SLC44A5: variants seen among roughly 807,000 people sequenced by gnomAD.
SLC44A5 encodes choline transporter-like protein 5.
A neutral mutation model predicts 101.8 loss-of-function variants in SLC44A5; 57 were observed. The ratio of observed to expected loss-of-function variants is 0.56; its 90% CI spans 0.45 to 0.70. SLC44A5 has a LOEUF of 0.70. Ranked by LOEUF, SLC44A5 falls within the 30% of genes least tolerant of loss-of-function variation. SLC44A5 has a pLI of 0.00. For synonymous variants in SLC44A5, 281 were observed against 290.9 expected (o/e 0.97, Z 0.35); for missense variants, 737 against 853.1 (o/e 0.86, Z 1.70).
chr1:75,388,051 G>A (rs1336301358), intron 3 of SLC44A5, among the ~76,000 whole-genome samples: 4 of 128,014 alleles, frequency 3.1e-5, no homozygotes, highest in African/African-American at 1.2e-4. Context: ...TCACACTCTG[G>A]TGACTGTTGT....
Position 75,488,800 on chromosome 1 carries a change from G to T in SLC44A5, c.13+52635C>A, listed in dbSNP as rs115946786. On this transcript the variant is annotated intron_variant, in intron 2 of 23. Coordinates refer to ENST00000370859, the MANE Select transcript of SLC44A5 (RefSeq NM_001130058.2). ...TATATGTTCTGTGGTGAAATAACCT[G>T]ATGACATATATACAACTTGCTAAAA... Among the ~76,000 whole-genome samples, 884 of 152,290 alleles carry T rather than the reference G, an allele frequency of 5.8e-3. 4 individuals carry two copies. Among genetic ancestry groups the T allele is most frequent in the African/African-American group, 0.02 (847 of 41,556 alleles).
chr1:75,660,794 T>C, the SLC44A5 span, among the ~76,000 whole-genome samples: 1 of 152,054 alleles, frequency 6.6e-6, no homozygotes. Flanking sequence ...TATAAAACAC[T>C]GATGAAAGAG....
At chr1:75,647,220 G>T in the SLC44A5 span, among the ~76,000 whole-genome samples, 1 of 152,208 alleles carries the variant, frequency 6.6e-6, no homozygotes. Context: ...GCTTCAGAAC[G>T]TTCAAGCCCC....
chr1:75,316,037 G>C (rs1040734010), intron 4 of SLC44A5, among the ~76,000 whole-genome samples: 1 of 152,006 alleles, frequency 6.6e-6, no homozygotes, highest in Non-Finnish European at 1.5e-5. Flanking sequence ...TGCCCTTTTT[G>C]GCCCCTAATC....
intron 2 of SLC44A5, among the ~76,000 whole-genome samples, chr1:75,461,041 G>A (rs1279644387): frequency 6.6e-6 from 1 of 151,652 alleles, no homozygotes; most frequent in African/African-American, 2.4e-5. Flanking sequence ...AAAAATGGAA[G>A]CAACCCAATG....
chr1:75,605,628 T>C (rs943897955), intron 1 of SLC44A5, among the ~76,000 whole-genome samples: 1 of 152,088 alleles, frequency 6.6e-6, no homozygotes, highest in Non-Finnish European at 1.5e-5. Flanking sequence ...ACCATGACTT[T>C]AATGTTCCTC....
At chr1:75,290,156 A>G (rs1163595762) in intron 5 of SLC44A5, among the ~76,000 whole-genome samples, 1 of 152,208 alleles carries the variant, frequency 6.6e-6, no homozygotes, top group Non-Finnish European at 1.5e-5. Context: ...CAACAAATTT[A>G]TCAGCATAGA....
chr1:75,682,858 T>C, the SLC44A5 span, among the ~76,000 whole-genome samples: 1 of 152,194 alleles, frequency 6.6e-6, no homozygotes, highest in Non-Finnish European at 1.5e-5. Context: ...CCTACTCATC[T>C]GTCAAAGGGC....
chr1:75,502,351 G>T (rs1056809694), intron 2 of SLC44A5, among the ~76,000 whole-genome samples: 2 of 152,118 alleles, frequency 1.3e-5, no homozygotes, highest in Admixed American at 6.5e-5. Context: ...ACTGATCAAA[G>T]GACAGAAAAA....
intron 4 of SLC44A5, among the ~76,000 whole-genome samples, chr1:75,315,110 G>T (rs997317227): frequency 6.6e-6 from 1 of 152,054 alleles, no homozygotes; most frequent in Admixed American, 6.6e-5. Context: ...GATTATTTAT[G>T]CAGTATTTGT....
intron 3 of SLC44A5, among the ~76,000 whole-genome samples, chr1:75,386,032 T>A (rs533351632): frequency 6.6e-6 from 1 of 152,222 alleles, no homozygotes; most frequent in Non-Finnish European, 1.5e-5. Context: ...AAACTCTCAA[T>A]AAATTAGGCA....
At chr1:75,262,618 T>C (rs1259278178) in intron 6 of SLC44A5, among the ~76,000 whole-genome samples, 1 of 152,170 alleles carries the variant, frequency 6.6e-6, no homozygotes, top group African/African-American at 2.4e-5. Context: ...CTTCATAGAA[T>C]TGGAAAAAAC....
intron 13 of SLC44A5, among the ~76,000 whole-genome samples, chr1:75,226,825 T>G (rs1647207286): frequency 6.6e-6 from 1 of 152,160 alleles, no homozygotes; most frequent in Non-Finnish European, 1.5e-5. Context: ...ATTCTAGGAA[T>G]ATAAGATTAA....
At chr1:75,256,039 G>A (rs1056516190) in intron 6 of SLC44A5, among the ~76,000 whole-genome samples, 1 of 151,920 alleles carries the variant, frequency 6.6e-6, no homozygotes, top group African/African-American at 2.4e-5. Flanking sequence ...AAAACAGGTG[G>A]GTCAACAGAA....
chr1:75,251,426 C>CCT (rs1348909337), intron 6 of SLC44A5, 132 bp from the exon 7 acceptor site: 24 of 647,234 alleles, frequency 3.7e-5, no homozygotes, highest in East Asian at 2.3e-4. Context: ...ATATATTCTC[C>CCT]CTCTCCCTTA....
chr1:75,308,288 T>A (rs10493569), intron 4 of SLC44A5, among the ~76,000 whole-genome samples: 26,243 of 152,206 alleles, frequency 0.17, 2,436 homozygotes, highest in Middle Eastern at 0.31. Context: ...TTCTGATTAG[T>A]CTTCTATTCT....
chr1:75,407,700 G>A (rs116774931), intron 2 of SLC44A5, among the ~76,000 whole-genome samples: 2,043 of 152,050 alleles, frequency 0.013, 45 homozygotes, highest in African/African-American at 0.047. Flanking sequence ...TACCTTATAC[G>A]AAAATTAACT....
Position 75,527,270 on chromosome 1 carries a change from TAGAAAGGG to T in SLC44A5, c.13+14157_13+14164del, listed in dbSNP as rs200646721. Among the ~76,000 whole-genome samples, 1,177 of 125,392 alleles carry T rather than the reference TAGAAAGGG, an allele frequency of 9.4e-3. 8 individuals are homozygous for T. The highest frequency in any genetic ancestry group is 0.032 in the African/African-American group (1,043 of 32,376). 82.3% of individuals were successfully genotyped at this position (125,392 alleles called of 152,430 possible). A position where few individuals can be genotyped will look rare whatever the true frequency, so the allele number is the denominator to read the frequency against. On this transcript the variant is annotated intron_variant, in intron 2 of 23. Coordinates refer to ENST00000370859, the MANE Select transcript of SLC44A5 (RefSeq NM_001130058.2). Reference sequence around the variant, plus strand: ...AGAGAGAAGGAAAGAGAGAGAAAGTTAGAAAGGGAGAAAGGGAGAAAGAGAGAAAGAGA... The same window carrying T: ...AGAGAGAAGGAAAGAGAGAGAAAGTTAGAAAGGGAGAAAGAGAGAAAGAGA...
intron 1 of SLC44A5, among the ~76,000 whole-genome samples, chr1:75,550,432 T>C (rs1191266597): frequency 2.0e-5 from 3 of 151,990 alleles, no homozygotes; most frequent in African/African-American, 4.8e-5. Flanking sequence ...AGGGTTTCTT[T>C]TGGGGGTGAG....
Sources: gnomAD v4.1 joint callset for allele counts (sites outside exome capture counted in the v4.1 genomes callset) on GRCh38, gnomAD v4.1.1 for gene constraint, MANE v1.5 for transcripts, NCBI Gene and HGNC (gene_info 2026-07-23, HGNC 2026-07-21) for gene names.